Variants in PRKCQ observed in about 807,000 individuals in gnomAD.
PRKCQ encodes the protein protein kinase C theta type.
Under a neutral mutation model 91.2 loss-of-function variants are expected in PRKCQ, and 41 were observed. The ratio of observed to expected loss-of-function variants is 0.45; its 90% CI spans 0.35 to 0.58. PRKCQ has a LOEUF of 0.58. Among genes scored for constraint, PRKCQ ranks in the 20% least tolerant of loss-of-function variants. The probability of loss-of-function intolerance (pLI) is 0.00; values close to 1 mark genes in which losing one functional copy is unlikely to be tolerated. For synonymous variants in PRKCQ, 307 were observed against 316.9 expected (o/e 0.97, Z 0.33); for missense variants, 673 against 896.5 (o/e 0.75, Z 3.18).
chr10:6,557,900 C>T (rs187387943), intron 1 of PRKCQ, among the ~76,000 whole-genome samples: 5 of 152,280 alleles, frequency 3.3e-5, no homozygotes, highest in Admixed American at 1.3e-4. Context: ...CAACCATCTA[C>T]GCAACAAGTC....
At chr10:6,531,253 G>A (rs564123204) in intron 1 of PRKCQ, among the ~76,000 whole-genome samples, 1 of 152,208 alleles carries the variant, frequency 6.6e-6, no homozygotes, top group South Asian at 2.1e-4. Flanking sequence ...CACCAGGCCA[G>A]GCCAGCAGCT....
At chr10:6,448,597 C>T (rs537459991) in intron 15 of PRKCQ, among the ~76,000 whole-genome samples, 31 of 152,000 alleles carry the variant, frequency 2.0e-4, no homozygotes, top group Admixed American at 1.0e-3. Flanking sequence ...TTAGTAGAGA[C>T]GGGGTTTCAC....
intron 2 of PRKCQ, among the ~76,000 whole-genome samples, chr10:6,513,710 A>C (rs1385554318): frequency 6.6e-6 from 1 of 152,236 alleles, no homozygotes; most frequent in Non-Finnish European, 1.5e-5. Context: ...TGATGTGTTC[A>C]GAGTGGCTGG....
chr10:6,559,668 T>C (rs1156974218), intron 1 of PRKCQ, among the ~76,000 whole-genome samples: 1 of 152,204 alleles, frequency 6.6e-6, no homozygotes, highest in Non-Finnish European at 1.5e-5. Context: ...CTGTATCTTT[T>C]TCTGTTAACC....
chr10:6,441,197 A>G (rs1177363661), intron 16 of PRKCQ, among the ~76,000 whole-genome samples: 3 of 152,162 alleles, frequency 2.0e-5, no homozygotes, highest in Non-Finnish European at 4.4e-5. Context: ...ATGGGAAACA[A>G]AAGACTGAGT....
At chr10:6,464,507 TGGC>T (rs2132333843) in intron 12 of PRKCQ, 103 bp from the exon 13 acceptor site, 2 of 975,714 alleles carry the variant, frequency 2.0e-6, no homozygotes, top group East Asian at 5.0e-5. Flanking sequence ...TGGAGTGCAG[TGGC>T]GTGATCTCGG....
intron 12 of PRKCQ, among the ~76,000 whole-genome samples, chr10:6,473,582 G>T (rs1219940363): frequency 6.6e-6 from 1 of 152,176 alleles, no homozygotes; most frequent in Admixed American, 6.5e-5. Context: ...CTACAGATGG[G>T]GGCAGCATGA....
Position 6,428,105 on chromosome 10 carries a change from GT to G in PRKCQ, c.*101del, listed in dbSNP as rs1253798627. The G allele has an allele frequency of 6.8e-6, 10 of 1,465,182 alleles. No individual in the cohort carries two copies. Among genetic ancestry groups the G allele is most frequent in the Non-Finnish European group, 9.4e-6 (10 of 1,059,838 alleles). The allele number at this position is 1,465,182 out of a possible 1,614,324, so 90.8% of individuals were successfully genotyped here. ...CGGGTCTCAGTCTTTATTGTTGAGT[GT>G]TTCTTTCTTTTTCCAAGTTGAAAAA... is the stretch of plus-strand genomic sequence containing the variant. On this transcript the variant is annotated 3_prime_UTR_variant, in exon 18 of 18. Transcript: ENST00000263125.
intron 12 of PRKCQ, among the ~76,000 whole-genome samples, chr10:6,474,762 T>C (rs1242277217): frequency 2.0e-5 from 3 of 152,246 alleles, no homozygotes. Context: ...AAAAGATTTA[T>C]GACAACTCTT....
chr10:6,505,588 TCCTCTCTCTCAC>T (rs2130843914), intron 4 of PRKCQ, among the ~76,000 whole-genome samples: 1 of 145,762 alleles, frequency 6.9e-6, no homozygotes, highest in South Asian at 2.3e-4. Context: ...CTTCCTTCCT[TCCTCTCTCTCAC>T]CCTCTCTCTC....
At chr10:6,578,590 T>C (rs911321046) in intron 1 of PRKCQ, among the ~76,000 whole-genome samples, 2 of 152,188 alleles carry the variant, frequency 1.3e-5, no homozygotes. Context: ...TTGCAGGTTT[T>C]AGAAGCTCTC....
At chr10:6,520,053 A>G (rs139180222) in intron 1 of PRKCQ, among the ~76,000 whole-genome samples, 56 of 152,260 alleles carry the variant, frequency 3.7e-4, no homozygotes, top group Non-Finnish European at 6.2e-4. Context: ...TATGACAACA[A>G]TCTATGCACA....
At position 6,428,144 on chromosome 10, in the gene PRKCQ, G is replaced by C; in HGVS notation, c.*63C>G. 3 of 1,591,540 alleles carry C rather than the reference G, an allele frequency of 1.9e-6. No individual in the cohort carries two copies. Among genetic ancestry groups the C allele is most frequent in the Middle Eastern group, 1.9e-4 (1 of 5,308 alleles). ...CCAAGTTGAAAAAGGAACCCAAGCA[G>C]TGTCTCTTGAACCAGTTCCCAGGGA... On this transcript the variant is annotated 3_prime_UTR_variant, in exon 18 of 18. Coordinates refer to ENST00000263125, the MANE Select transcript of PRKCQ (RefSeq NM_006257.5).
Position 6,430,782 on chromosome 10 carries a change from A to G in PRKCQ, c.1965+28T>C, listed in dbSNP as rs756736437. On this transcript the variant is annotated intron_variant, in intron 17 of 17. Transcript: ENST00000263125. The surrounding 1 kb of genome is among the most constrained non-coding windows in gnomAD (Gnocchi z 4.7). Reference sequence around the variant, plus strand: ...CCTGAGCGGAGGGAGAGTGGCTGACACCAAGCGGCCCATGAGCGAGTCCTT... The same window carrying G: ...CCTGAGCGGAGGGAGAGTGGCTGACGCCAAGCGGCCCATGAGCGAGTCCTT... 10 of 1,609,104 alleles carry G rather than the reference A, an allele frequency of 6.2e-6. No homozygotes were observed. Among genetic ancestry groups the G allele is most frequent in the Non-Finnish European group, 7.6e-6 (9 of 1,177,166 alleles).
intron 15 of PRKCQ, among the ~76,000 whole-genome samples, chr10:6,446,363 T>G (rs886249653): frequency 6.9e-6 from 1 of 145,054 alleles, no homozygotes; most frequent in Non-Finnish European, 1.5e-5. Context: ...CTCAGTTTTT[T>G]TTTTTTTTTT....
chr10:6,530,637 T>C (rs1029660982), intron 1 of PRKCQ, among the ~76,000 whole-genome samples: 27 of 152,206 alleles, frequency 1.8e-4, no homozygotes, highest in Admixed American at 2.0e-4. Context: ...GAGCTGGGTC[T>C]ATCTGGGCAG....
rs570610551 is a variant in PRKCQ, at chr10:6,445,706, A to G, written c.1648-3625T>C. 2.0e-5 allele frequency among the ~76,000 whole-genome samples: 3 copies of G among 152,362 alleles called. No homozygotes were observed. The South Asian group carries it at 6.2e-4, about 32-fold the overall frequency. On this transcript the variant is annotated intron_variant, in intron 15 of 17. Transcript: ENST00000263125. ...CCACTACTCTTACCTCGATATTTAC[A>G]TGCTAAAGTTTACTTTATAATTTAG...
chr10:6,420,936 T>G, the PRKCQ span, among the ~76,000 whole-genome samples: 1 of 152,172 alleles, frequency 6.6e-6, no homozygotes, highest in Admixed American at 6.5e-5. Flanking sequence ...CCTATGTATT[T>G]CAGTTCTGGG....
At chr10:6,568,500 C>CT (rs201701542) in intron 1 of PRKCQ, among the ~76,000 whole-genome samples, 9,655 of 139,036 alleles carry the variant, frequency 0.069, 1,082 homozygotes, top group African/African-American at 0.24. Context: ...TTAGCTTAAC[C>CT]TTTTTTTTTT....
Sources: gnomAD v4.1 joint callset for allele counts (sites outside exome capture counted in the v4.1 genomes callset) on GRCh38, gnomAD v4.1.1 for gene constraint, Gnocchi (gnomAD v3.1) non-coding constraint, MANE v1.5 for transcripts, NCBI Gene and HGNC (gene_info 2026-07-23, HGNC 2026-07-21) for gene names.